PCDH11X: variants seen among roughly 807,000 people sequenced by gnomAD.
PCDH11X encodes the protein protocadherin-11 X-linked.
PCDH11X carries 18 observed loss-of-function variants against 53.3 expected under a neutral mutation model. The observed-to-expected ratio is 0.34, with a 90% CI of 0.23 to 0.50. PCDH11X has a LOEUF of 0.50. PCDH11X is among the 20% of genes least tolerant of loss of function. The probability of loss-of-function intolerance (pLI) is 0.98; values close to 1 mark genes in which losing one functional copy is unlikely to be tolerated. For synonymous variants in PCDH11X, 279 were observed against 393.3 expected (o/e 0.71, Z 3.44); for missense variants, 570 against 1,032.4 (o/e 0.55, Z 6.14).
intron 9 of PCDH11X, among the ~76,000 whole-genome samples, chrX:92,415,216 T>A (rs1345409741): frequency 3.6e-5 from 4 of 111,708 alleles, no homozygotes; most frequent in Non-Finnish European, 7.5e-5. Context: ...AGTGATGTAC[T>A]TCATCAGAGG....
At chrX:92,218,629 T>C (rs1392289377) in intron 7 of PCDH11X, among the ~76,000 whole-genome samples, 3 of 110,890 alleles carry the variant, frequency 2.7e-5, no homozygotes, top group African/African-American at 9.9e-5. Context: ...CAAGGAGGAA[T>C]TGGTACCATT....
chrX:92,351,891 C>T (rs1212840576), intron 8 of PCDH11X, among the ~76,000 whole-genome samples: 1 of 111,027 alleles, frequency 9.0e-6, no homozygotes, highest in Admixed American at 9.6e-5. Context: ...CTAAACATTG[C>T]CTATAAAGGA....
At chrX:92,466,122 C>A (rs1392032800) in intron 9 of PCDH11X, among the ~76,000 whole-genome samples, 2 of 111,068 alleles carry the variant, frequency 1.8e-5, no homozygotes, top group African/African-American at 6.5e-5. Flanking sequence ...CCATATTAGA[C>A]AAATTATGTT....
intron 10 of PCDH11X, among the ~76,000 whole-genome samples, chrX:92,586,742 T>G (rs1245888412): frequency 9.0e-6 from 1 of 111,059 alleles, no homozygotes; most frequent in African/African-American, 3.3e-5. Flanking sequence ...CTGCTCTGGT[T>G]AGTTCACATG....
intron 6 of PCDH11X, among the ~76,000 whole-genome samples, chrX:92,022,154 A>G (rs1383575136): frequency 9.3e-6 from 1 of 107,875 alleles, no homozygotes; most frequent in Non-Finnish European, 1.9e-5. Context: ...TGACAATATC[A>G]AATTCACCCA....
At chrX:92,411,573 T>C (rs971267053) in intron 9 of PCDH11X, among the ~76,000 whole-genome samples, 2 of 109,848 alleles carry the variant, frequency 1.8e-5, no homozygotes, top group Non-Finnish European at 3.8e-5. Context: ...GTTTCCAGCT[T>C]CATCCATGTC....
intron 8 of PCDH11X, among the ~76,000 whole-genome samples, chrX:92,281,557 A>G: frequency 8.9e-6 from 1 of 112,326 alleles, no homozygotes; most frequent in African/African-American, 3.2e-5. Flanking sequence ...AATGTGGTTT[A>G]GTGATATACA....
chrX:91,832,535 C>G (rs776027123), intron 4 of PCDH11X, among the ~76,000 whole-genome samples: 1 of 103,108 alleles, frequency 9.7e-6, no homozygotes, highest in Admixed American at 1.1e-4. Context: ...GGAGATATAC[C>G]TAATGTTAAA....
At position 91,995,846 on chromosome X, in the gene PCDH11X, C is replaced by CT. The variant is rs1216982938; in HGVS notation, c.3033+116578dup. On this transcript the variant is annotated intron_variant, in intron 6 of 10. Transcript: ENST00000682573. The stretch of plus-strand genomic sequence containing the variant: ...GGTATCCATTTATTTGTATTATCTT[C>CT]TTTTTGTTTTTTTTTTTTTTTGAGG... Among the ~76,000 whole-genome samples the CT allele has an allele frequency of 8.8e-4, 91 of 103,441 alleles. 2 individuals carry two copies. In the East Asian group the frequency reaches 0.015, roughly 17 times the overall value. 89.8% of individuals were successfully genotyped at this position (103,441 alleles called of 115,157 possible). A position where few individuals can be genotyped will look rare whatever the true frequency, so the allele number is the denominator to read the frequency against.
chrX:91,930,181 C>T (rs1942077696), intron 6 of PCDH11X, among the ~76,000 whole-genome samples: 1 of 107,562 alleles, frequency 9.3e-6, no homozygotes, highest in Admixed American at 1.0e-4. Context: ...ATAGATAGTT[C>T]TAAAACGTAG....
intron 10 of PCDH11X, among the ~76,000 whole-genome samples, chrX:92,490,750 A>G (rs867545019): frequency 1.0e-5 from 1 of 98,727 alleles, no homozygotes; most frequent in African/African-American, 3.8e-5. Flanking sequence ...GAAAGAGAGA[A>G]AGAAAGAAAG....
intron 8 of PCDH11X, among the ~76,000 whole-genome samples, chrX:92,346,379 A>C (rs2069896331): frequency 1.8e-5 from 2 of 111,023 alleles, no homozygotes; most frequent in African/African-American, 6.5e-5. Context: ...AAGATGTATA[A>C]TCCCTTAAAC....
intron 6 of PCDH11X, among the ~76,000 whole-genome samples, chrX:91,963,565 A>G (rs962381204): frequency 9.0e-6 from 1 of 111,223 alleles, no homozygotes; most frequent in Non-Finnish European, 1.9e-5. Flanking sequence ...AAACTTTCCC[A>G]CCTCTTTCTG....
intron 6 of PCDH11X, among the ~76,000 whole-genome samples, chrX:92,092,259 A>G (rs1417657630): frequency 2.7e-5 from 3 of 111,606 alleles, no homozygotes; most frequent in African/African-American, 9.8e-5. Flanking sequence ...TGCAATTTAT[A>G]TCTTTCAGAA....
intron 6 of PCDH11X, among the ~76,000 whole-genome samples, chrX:92,079,392 C>A (rs1313835871): frequency 1.8e-5 from 2 of 111,189 alleles, no homozygotes; most frequent in African/African-American, 6.5e-5. Context: ...CCCTGCTCTG[C>A]CCTGTTCCAG....
At chrX:92,290,663 G>C (rs1011062080) in intron 8 of PCDH11X, among the ~76,000 whole-genome samples, 18 of 109,538 alleles carry the variant, frequency 1.6e-4, no homozygotes, top group African/African-American at 6.0e-4. Flanking sequence ...AACTAAGTGG[G>C]CAAATATTTT....
chrX:92,611,636 A>C (rs1251134597), intron 10 of PCDH11X, among the ~76,000 whole-genome samples: 1 of 105,929 alleles, frequency 9.4e-6, no homozygotes, highest in Admixed American at 1.0e-4. Flanking sequence ...GGAGTACTGA[A>C]GATGGGCATC....
chrX:92,250,616 A>G (rs2067440616), intron 7 of PCDH11X, among the ~76,000 whole-genome samples: 1 of 86,293 alleles, frequency 1.2e-5, no homozygotes, highest in Non-Finnish European at 2.6e-5. Flanking sequence ...TATATAAAAT[A>G]ATATGTATAA....
chrX:92,337,938 C>T (rs1032105792), intron 8 of PCDH11X, among the ~76,000 whole-genome samples: 3 of 111,468 alleles, frequency 2.7e-5, no homozygotes, highest in Non-Finnish European at 5.7e-5. Flanking sequence ...TTAAACTCTA[C>T]ATTATATTGT....
Sources: gnomAD v4.1 joint callset for allele counts (sites outside exome capture counted in the v4.1 genomes callset) on GRCh38, gnomAD v4.1.1 for gene constraint, MANE v1.5 for transcripts, NCBI Gene and HGNC (gene_info 2026-07-23, HGNC 2026-07-21) for gene names.